TBXAS1: variants seen among roughly 807,000 people sequenced by gnomAD.
The protein encoded by TBXAS1 is thromboxane-A synthase.
In TBXAS1, 48 loss-of-function variants were observed where a neutral mutation model predicts 60.7. That is an observed-to-expected ratio of 0.79 (90% confidence interval 0.63 to 1.01). TBXAS1 has a LOEUF of 1.01. TBXAS1 is among the 50% of genes least tolerant of loss of function. The pLI is 0.00. For missense variants in TBXAS1, 685 were observed against 686.3 expected, an observed-to-expected ratio of 1.00 and a Z score of 0.02; for synonymous variants, 287 against 269.7, an observed-to-expected ratio of 1.06 and a Z score of -0.63.
chr7:140,002,437 C>T (rs979238626), intron 9 of TBXAS1, among the ~76,000 whole-genome samples: 8 of 152,242 alleles, frequency 5.3e-5, no homozygotes, highest in East Asian at 1.9e-4. Context: ...TTTCCCGGGA[C>T]GGGGAGTCCT....
chr7:139,946,931 G>A (rs572648787), intron 5 of TBXAS1, among the ~76,000 whole-genome samples: 1 of 152,300 alleles, frequency 6.6e-6, no homozygotes, highest in South Asian at 2.1e-4. Context: ...TCTCCAACAA[G>A]GTCGGAATCT....
chr7:139,963,620 C>A (rs1349336152), intron 9 of TBXAS1, among the ~76,000 whole-genome samples: 1 of 152,104 alleles, frequency 6.6e-6, no homozygotes, highest in African/African-American at 2.4e-5. Context: ...GAGGGAGGGA[C>A]CAACGGTGAC....
chr7:139,905,760 G>C (rs1242587574), intron 3 of TBXAS1, among the ~76,000 whole-genome samples: 4 of 152,104 alleles, frequency 2.6e-5, no homozygotes, highest in Non-Finnish European at 5.9e-5. Context: ...TAGTCAGGTA[G>C]GTAGTTTGCA....
At chr7:139,901,707 C>T (rs1475913021) in intron 3 of TBXAS1, among the ~76,000 whole-genome samples, 2 of 151,934 alleles carry the variant, frequency 1.3e-5, no homozygotes, top group East Asian at 3.9e-4. Flanking sequence ...TAGGGCCAGG[C>T]ATTATTATTT....
rs17161154 is a variant in TBXAS1 at position 139,820,002 on chromosome 7, G to A, written c.-79-9310G>A. 3.5e-3 allele frequency among the ~76,000 whole-genome samples: 530 copies of A among 151,972 alleles called. 4 individuals are homozygous for A. The highest frequency in any genetic ancestry group is 0.012 in the African/African-American group (491 of 41,448). ...TGGGACTTCCTGGTCCTGACAACTTGCCTGAAATGCCATTTGTGATCTTGC... is the reference window on the plus strand; with the variant it reads ...TGGGACTTCCTGGTCCTGACAACTTACCTGAAATGCCATTTGTGATCTTGC... On this transcript the variant is annotated intron_variant, in intron 4 of 16. Transcript: ENST00000336425.
intron 9 of TBXAS1, among the ~76,000 whole-genome samples, chr7:139,988,421 C>T (rs1178594917): frequency 6.6e-6 from 1 of 152,154 alleles, no homozygotes; most frequent in African/African-American, 2.4e-5. Context: ...GCCCCATGGA[C>T]ATTTGGGTTT....
intron 4 of TBXAS1, among the ~76,000 whole-genome samples, chr7:139,794,305 G>A (rs554512408): frequency 5.3e-5 from 8 of 152,148 alleles, no homozygotes; most frequent in African/African-American, 1.9e-4. Flanking sequence ...TCACCATGTT[G>A]GCCAGGCTGG....
chr7:139,917,498 C>T (rs879851045), intron 4 of TBXAS1, among the ~76,000 whole-genome samples: 1 of 152,150 alleles, frequency 6.6e-6, no homozygotes, highest in Non-Finnish European at 1.5e-5. Context: ...GATGCCTGTC[C>T]CCTGCAGGTC....
At chr7:139,890,207 CTTTTTTT>C (rs57305084) in intron 3 of TBXAS1, among the ~76,000 whole-genome samples, 6 of 85,596 alleles carry the variant, frequency 7.0e-5, no homozygotes, top group Admixed American at 1.5e-4. Context: ...AGGATGCAGT[CTTTTTTT>C]TTTTTTTTTT....
intron 3 of TBXAS1, among the ~76,000 whole-genome samples, chr7:139,905,005 C>CTCTTTCTCTCTTTCTTTT (rs1554487120): frequency 2.2e-5 from 2 of 90,420 alleles, no homozygotes; most frequent in East Asian, 6.1e-4. Context: ...CTCTCTTTCT[C>CTCTTTCTCTCTTTCTTTT]TCTTTCTTTC....
At chr7:139,821,980 T>C (rs549172264) in intron 4 of TBXAS1, among the ~76,000 whole-genome samples, 2 of 152,336 alleles carry the variant, frequency 1.3e-5, no homozygotes, top group Non-Finnish European at 1.5e-5. Context: ...ACAGACCTCG[T>C]GTATTGAGTG....
intron 8 of TBXAS1, among the ~76,000 whole-genome samples, chr7:139,958,736 G>A (rs1810079838): frequency 6.6e-6 from 1 of 152,236 alleles, no homozygotes; most frequent in Admixed American, 6.5e-5. Context: ...CAGCAAACGT[G>A]TCTAGATCCA....
chr7:139,872,697 G>A (rs1314536602), intron 2 of TBXAS1, among the ~76,000 whole-genome samples: 1 of 152,082 alleles, frequency 6.6e-6, no homozygotes, highest in Admixed American at 6.5e-5. Flanking sequence ...AAAATATGCT[G>A]AGCCCAGGAC....
At chr7:140,002,503 T>C (rs893213993) in intron 9 of TBXAS1, among the ~76,000 whole-genome samples, 2 of 152,070 alleles carry the variant, frequency 1.3e-5, no homozygotes, top group Non-Finnish European at 2.9e-5. Flanking sequence ...GACCGTTCTG[T>C]CCCTGCTATT....
chr7:139,955,669 C>T, intron 7 of TBXAS1, 62 bp downstream of exon 7: 1 of 1,604,550 alleles, frequency 6.2e-7, no homozygotes, highest in Non-Finnish European at 8.5e-7. Flanking sequence ...GACCCCATGA[C>T]ACCTGGGGTG....
intron 9 of TBXAS1, among the ~76,000 whole-genome samples, chr7:140,000,015 C>T (rs1010596387): frequency 2.0e-5 from 3 of 151,924 alleles, no homozygotes; most frequent in African/African-American, 2.4e-5. Context: ...CAGTGTGTGG[C>T]GTATGTGTAG....
At chr7:139,875,836 CG>C (rs1802191152) in intron 3 of TBXAS1, 199 bp downstream of exon 3, 11 of 658,898 alleles carry the variant, frequency 1.7e-5, no homozygotes, top group East Asian at 2.8e-5. Context: ...GGGTTGCCCA[CG>C]GGGGGACTCT....
chr7:139,798,283 A>G (rs1797622166), intron 4 of TBXAS1, among the ~76,000 whole-genome samples: 3 of 152,162 alleles, frequency 2.0e-5, no homozygotes. Flanking sequence ...GGGTAGGAAG[A>G]TGAGAAATGG....
At position 139,829,422 on chromosome 7, in the gene TBXAS1, T is replaced by C; in HGVS notation, c.32T>C (p.Val11Ala). Reference sequence around the variant, plus strand: ...GCCTTGGGGTTTCTAAAATTGGAAGTGAATGGCCCCATGGTGACGGTGGCC... The same window carrying C: ...GCCTTGGGGTTTCTAAAATTGGAAGCGAATGGCCCCATGGTGACGGTGGCC... MEALGFLKLE[V>A]NGPMVTVALS... Residue 11 changes from valine (V) to alanine (A), a missense_variant, in exon 1 of 13, where the codon GTG (valine) becomes GCG (alanine). Coordinates refer to ENST00000448866, the MANE Select transcript of TBXAS1 (RefSeq NM_001061.7). The C allele has an allele frequency of 2.5e-6, 4 of 1,613,924 alleles. No individual in the cohort carries two copies. The highest frequency in any genetic ancestry group is 3.4e-6 in the Non-Finnish European group (4 of 1,179,938).
Sources: allele counts gnomAD v4.1 joint callset (sites outside exome capture counted in the v4.1 genomes callset), GRCh38; gene constraint gnomAD v4.1.1; transcripts MANE v1.5; gene names NCBI Gene and HGNC (gene_info 2026-07-23, HGNC 2026-07-21).